The following UTS2B variants were observed in gnomAD, a reference collection of about 807,000 sequenced individuals.
UTS2B encodes the protein urotensin-2B.
A neutral mutation model predicts 19.2 loss-of-function variants in UTS2B; 21 were observed. That is an observed-to-expected ratio of 1.09 (90% CI 0.78 to 1.58). The LOEUF (loss-of-function observed/expected upper bound fraction) is 1.58, where lower values mean the gene tolerates loss of function less well. UTS2B is among the 40% of genes most tolerant of loss of function. UTS2B has a pLI of 0.00. For synonymous variants in UTS2B, 57 were observed against 50.2 expected (o/e 1.14, Z -0.58); for missense variants, 138 against 130.3 (o/e 1.06, Z -0.29).
At position 191,294,273 on chromosome 3, in the gene UTS2B, G is replaced by A. The variant is rs117637123; in HGVS notation, c.-125+10219C>T. ...AATCATTACCTAAGGGGAAACCACT[G>A]AGCAAGGATTCAACTGAAATATAAA... On this transcript the variant is annotated intron_variant, in intron 4 of 8. Transcript: ENST00000340524. 1.9e-4 allele frequency among the ~76,000 whole-genome samples: 29 copies of A among 152,006 alleles called. No homozygotes were observed. In the East Asian group the frequency reaches 4.6e-3, roughly 24 times the overall value.
intron 1 of UTS2B, among the ~76,000 whole-genome samples, chr3:191,330,003 C>T (rs1370733259): frequency 1.3e-5 from 2 of 151,360 alleles, no homozygotes; most frequent in Admixed American, 6.6e-5. Context: ...TGTTCTCGTG[C>T]ATCGCAAAGC....
intron 5 of UTS2B, among the ~76,000 whole-genome samples, chr3:191,280,656 T>C (rs1716361358): frequency 6.6e-6 from 1 of 152,124 alleles, no homozygotes; most frequent in African/African-American, 2.4e-5. Flanking sequence ...TGTATATCAC[T>C]GTGTGGCATT....
the UTS2B span, among the ~76,000 whole-genome samples, chr3:191,337,494 G>A: frequency 1.3e-5 from 2 of 151,554 alleles, no homozygotes; most frequent in East Asian, 1.9e-4. Context: ...ACAGTTGCCC[G>A]CCACTATGCC....
At chr3:191,313,253 C>T (rs1272825975) in intron 3 of UTS2B, among the ~76,000 whole-genome samples, 2 of 152,156 alleles carry the variant, frequency 1.3e-5, no homozygotes, top group Non-Finnish European at 2.9e-5. Flanking sequence ...CCTCGGCCTC[C>T]CAAAGTGCTG....
intron 1 of UTS2B, chr3:191,329,811 C>A: frequency 7.1e-7 from 1 of 1,408,006 alleles, no homozygotes; most frequent in Non-Finnish European, 9.8e-7. Context: ...ATTTCGGCTC[C>A]CGCGGCCCTC....
At chr3:191,273,376 A>C (rs1716142760) in intron 8 of UTS2B, 1 of 428,716 alleles carries the variant, frequency 2.3e-6, no homozygotes, top group Admixed American at 2.4e-5. Flanking sequence ...ACTTCCTTAC[A>C]TTTACCAACC....
At chr3:191,338,372 C>A in the UTS2B span, among the ~76,000 whole-genome samples, 1 of 152,066 alleles carries the variant, frequency 6.6e-6, no homozygotes, top group African/African-American at 2.4e-5. Flanking sequence ...AGATGGGAGT[C>A]CTGACGTAGA....
At chr3:191,335,285 G>C (rs1718103394), upstream of UTS2B, among the ~76,000 whole-genome samples, 1 of 152,280 alleles carries the variant, frequency 6.6e-6, no homozygotes, top group African/African-American at 2.4e-5. Flanking sequence ...ATCCATAGAG[G>C]AGAAAACAAA....
chr3:191,285,249 G>A (rs1716503276), intron 4 of UTS2B, among the ~76,000 whole-genome samples: 1 of 152,142 alleles, frequency 6.6e-6, no homozygotes. Flanking sequence ...CGTGATCAAT[G>A]TTAAGTTGCT....
chr3:191,275,381 C>T, intron 7 of UTS2B, 36 bp from the exon 8 acceptor site: 1 of 1,559,918 alleles, frequency 6.4e-7, no homozygotes, highest in Non-Finnish European at 8.8e-7. Context: ...AATTGGTCTT[C>T]TATAAAACCA....
intron 4 of UTS2B, among the ~76,000 whole-genome samples, chr3:191,300,439 C>T (rs534388742): frequency 1.6e-4 from 24 of 152,308 alleles, no homozygotes; most frequent in Admixed American, 2.6e-4. Flanking sequence ...AAATAACTAA[C>T]TTGTTTTTAG....
chr3:191,299,255 G>T (rs183406551), intron 4 of UTS2B, among the ~76,000 whole-genome samples: 61 of 152,360 alleles, frequency 4.0e-4, no homozygotes, highest in African/African-American at 1.4e-3. Context: ...TAATAGCCAA[G>T]ACAGTAAGAA....
At chr3:191,278,821 T>A (rs550800089) in intron 5 of UTS2B, among the ~76,000 whole-genome samples, 3 of 152,098 alleles carry the variant, frequency 2.0e-5, no homozygotes, top group Admixed American at 2.0e-4. Context: ...CTATAAAACA[T>A]GAAGATTCAA....
At chr3:191,288,096 T>C (rs150470509) in intron 4 of UTS2B, among the ~76,000 whole-genome samples, 1 of 152,284 alleles carries the variant, frequency 6.6e-6, no homozygotes, top group African/African-American at 2.4e-5. Flanking sequence ...AAAAGACCTG[T>C]ATACTGACAA....
At chr3:191,333,637 A>G (rs1343313504), upstream of UTS2B, among the ~76,000 whole-genome samples, 1 of 152,162 alleles carries the variant, frequency 6.6e-6, no homozygotes, top group African/African-American at 2.4e-5. Flanking sequence ...ATTTGGATGA[A>G]TGTCTTTTAT....
At chr3:191,273,633 G>A (rs1716151659) in intron 8 of UTS2B, 1 of 455,930 alleles carries the variant, frequency 2.2e-6, no homozygotes, top group South Asian at 1.6e-5. Context: ...ATTACACCAT[G>A]CCTCTGAGAT....
chr3:191,293,086 C>T (rs1424504707), intron 4 of UTS2B, among the ~76,000 whole-genome samples: 1 of 151,510 alleles, frequency 6.6e-6, no homozygotes, highest in East Asian at 1.9e-4. Context: ...TTAAATAAAC[C>T]TTGTATTCCA....
intron 1 of UTS2B, 138 bp downstream of exon 1, chr3:191,330,276 A>C (rs1449799969): frequency 6.5e-6 from 1 of 152,846 alleles, no homozygotes; most frequent in Non-Finnish European, 1.4e-5. Flanking sequence ...AAGCCACTAT[A>C]AGCATTTTCT....
chr3:191,280,312 A>AGGCACACTTTTATATGGTCT (rs1306687122), intron 5 of UTS2B, among the ~76,000 whole-genome samples: 1 of 152,122 alleles, frequency 6.6e-6, no homozygotes, highest in African/African-American at 2.4e-5. Flanking sequence ...TCATTCCCTC[A>AGGCACACTTTTATATGGTCT]GGCACACTTT....
Sources: allele counts gnomAD v4.1 joint callset (sites outside exome capture counted in the v4.1 genomes callset), GRCh38; gene constraint gnomAD v4.1.1; transcripts MANE v1.5; gene names NCBI Gene and HGNC (gene_info 2026-07-23, HGNC 2026-07-21).